Variants in SNAP91 observed in about 807,000 individuals in gnomAD.
SNAP91 encodes the protein synaptosome associated protein 91.
Under a neutral mutation model 100.3 loss-of-function variants are expected in SNAP91, and 27 were observed. That is an observed-to-expected ratio of 0.27 (90% CI 0.20 to 0.37). The LOEUF is 0.37. SNAP91 is among the 10% of genes least tolerant of loss of function. The pLI is 1.00. For missense variants in SNAP91, 986 were observed against 1,123.7 expected (o/e 0.88, Z 1.75); for synonymous variants, 404 against 398.6 (o/e 1.01, Z -0.16).
At chr6:83,642,082 G>A (rs1222825699) in intron 7 of SNAP91, among the ~76,000 whole-genome samples, 1 of 152,092 alleles carries the variant, frequency 6.6e-6, no homozygotes, top group Admixed American at 6.6e-5. Flanking sequence ...TAGTTCCCAG[G>A]CAACTCTGGT....
rs568267573 is a variant in SNAP91, at chr6:83,589,383, T to C, written c.2014+1828A>G. ...TCCATGATGTTCTTTAGTGAGAATA[T>C]GATTTCCTTATGTTTTGATACTTGA... On this transcript the variant is annotated intron_variant, in intron 22 of 29. Coordinates refer to ENST00000369694, the MANE Select transcript of SNAP91 (RefSeq NM_001242792.2). Among the ~76,000 whole-genome samples the C allele has an allele frequency of 5.7e-3, 873 of 152,310 alleles. 5 individuals are homozygous for C. Among genetic ancestry groups the C allele is most frequent in the African/African-American group, 0.02 (828 of 41,574 alleles).
In SNAP91 at chr6:83,593,720, C is replaced by G; in HGVS notation, c.1454G>C (p.Gly485Ala). 6.3e-7 allele frequency: 1 copy of G among 1,590,104 alleles called. No homozygotes were observed. The highest frequency in any genetic ancestry group is 8.6e-7 in the Non-Finnish European group (1 of 1,164,592). ...CAGCTCAGGTGCAGCCTCTGCACTA[C>G]CTTCAGACGGGGCAAAGGGGTCTTT... ...SGNDPFAPSEGSAEAAPELDL... is the reference protein window; with the variant it reads ...SGNDPFAPSEASAEAAPELDL... Residue 485 changes from glycine (G) to alanine (A), a missense_variant, in exon 18 of 30, where the codon GGT (glycine) becomes GCT (alanine). Physicochemically the swap from Gly to Ala is moderately conservative, Grantham distance 60. Coordinates refer to ENST00000369694, the MANE Select transcript of SNAP91 (RefSeq NM_001242792.2).
At chr6:83,694,146 G>A (rs1045668561) in intron 2 of SNAP91, among the ~76,000 whole-genome samples, 1 of 152,180 alleles carries the variant, frequency 6.6e-6, no homozygotes, top group Non-Finnish European at 1.5e-5. Flanking sequence ...AATGAATGCT[G>A]TGTATTCACA....
At chr6:83,706,249 T>C (rs1040983889) in intron 2 of SNAP91, among the ~76,000 whole-genome samples, 1 of 152,226 alleles carries the variant, frequency 6.6e-6, no homozygotes, top group Non-Finnish European at 1.5e-5. Flanking sequence ...TTTCTTATTA[T>C]GAGGATTTTC....
At chr6:83,673,813 G>A (rs1243316840) in intron 2 of SNAP91, among the ~76,000 whole-genome samples, 3 of 152,154 alleles carry the variant, frequency 2.0e-5, no homozygotes, top group African/African-American at 7.2e-5. Context: ...GTGCAATCCA[G>A]GCTTCCCTTG....
intron 26 of SNAP91, among the ~76,000 whole-genome samples, chr6:83,569,226 A>C (rs1802275801): frequency 6.6e-6 from 1 of 151,098 alleles, no homozygotes; most frequent in Admixed American, 6.6e-5. Flanking sequence ...TTATTGTAAC[A>C]AATAGTTTCT....
At chr6:83,569,931 CCA>C (rs1309662532) in intron 26 of SNAP91, among the ~76,000 whole-genome samples, 1 of 152,002 alleles carries the variant, frequency 6.6e-6, no homozygotes, top group South Asian at 2.1e-4. Context: ...TGTAAATTGC[CCA>C]GTCTCGGGTA....
chr6:83,625,741 GATTT>G (rs746306889), intron 8 of SNAP91, among the ~76,000 whole-genome samples: 4 of 151,748 alleles, frequency 2.6e-5, no homozygotes, highest in Non-Finnish European at 4.4e-5. Context: ...TTTTCTTGGT[GATTT>G]ATTTAAGTTC....
At chr6:83,690,253 T>G in intron 2 of SNAP91, 1 of 1,129,460 alleles carries the variant, frequency 8.9e-7, no homozygotes, top group Non-Finnish European at 1.1e-6. Context: ...AATCTCTTCT[T>G]GAGAAATAAA....
intron 3 of SNAP91, among the ~76,000 whole-genome samples, chr6:83,664,152 C>T (rs2128756550): frequency 6.6e-6 from 1 of 152,218 alleles, no homozygotes; most frequent in Non-Finnish European, 1.5e-5. Context: ...CACCTTGTCA[C>T]CATAAGAGCT....
chr6:83,670,490 T>C (rs545844062), intron 2 of SNAP91, among the ~76,000 whole-genome samples: 2 of 152,046 alleles, frequency 1.3e-5, no homozygotes, highest in Admixed American at 1.3e-4. Context: ...GGCTTCCCTT[T>C]TCATTTTCTT....
intron 10 of SNAP91, 103 bp downstream of exon 10, chr6:83,616,866 C>T (rs139263411): frequency 1.1e-5 from 8 of 747,878 alleles, no homozygotes; most frequent in East Asian, 2.9e-5. Flanking sequence ...ACAAAGCATA[C>T]CCTAAAACTA....
intron 10 of SNAP91, among the ~76,000 whole-genome samples, chr6:83,615,930 G>A (rs768449720): frequency 2.0e-5 from 3 of 152,066 alleles, no homozygotes; most frequent in South Asian, 4.2e-4. Context: ...ATCATTTTAC[G>A]GGTTGTCTCT....
chr6:83,593,177 T>G lies in SNAP91; in HGVS notation c.1774+5A>C, dbSNP rs2094019544. 6.3e-7 allele frequency: 1 copy of G among 1,582,104 alleles called. No individual in the cohort carries two copies. The highest frequency in any genetic ancestry group is 1.3e-5 in the African/African-American group (1 of 74,322). ...AGTGAAAAAAAAGGGTTGCTTTGGT[T>G]TTACCTGTACTAAACAGGTCTATGC... On this transcript the variant is annotated splice_donor_5th_base_variant and intron_variant, in intron 19 of 29. Coordinates refer to ENST00000369694, the MANE Select transcript of SNAP91 (RefSeq NM_001242792.2).
intron 2 of SNAP91, among the ~76,000 whole-genome samples, chr6:83,667,748 T>C (rs935395521): frequency 2.0e-5 from 3 of 152,036 alleles, no homozygotes; most frequent in African/African-American, 7.2e-5. Context: ...TAACTCGTCA[T>C]GTACATTAGG....
In SNAP91 at chr6:83,580,494, G is replaced by T. The variant is rs564610271; in HGVS notation, c.2255C>A (p.Ala752Asp). The T allele has an allele frequency of 1.2e-6, 2 of 1,613,636 alleles. No individual in the cohort carries two copies. Among genetic ancestry groups the T allele is most frequent in the African/African-American group, 1.3e-5 (1 of 74,964 alleles). The change falls in exon 24 of 30, where the codon GCC (alanine) becomes GAC (aspartate). Residue 752 changes from alanine (A) to aspartate (D), a missense_variant. Physicochemically the swap from Ala to Asp is moderately radical, Grantham distance 126. This residue lies in a region of SNAP91 where 575 missense variants were observed against 579.9 expected (regional missense o/e 0.99). Coordinates refer to ENST00000369694, the MANE Select transcript of SNAP91 (RefSeq NM_001242792.2). ...PPSPAMAASKALGSDLDSSLA... is the reference protein window; with the variant it reads ...PPSPAMAASKDLGSDLDSSLA... ...AGATGAATCAAGATCACTTCCAAGGGCTTTGCTGGCTGCCATTGCAGGACT... is the reference window on the plus strand; with the variant it reads ...AGATGAATCAAGATCACTTCCAAGGTCTTTGCTGGCTGCCATTGCAGGACT...
At chr6:83,660,250 T>C (rs573218384) in intron 5 of SNAP91, among the ~76,000 whole-genome samples, 2 of 152,236 alleles carry the variant, frequency 1.3e-5, no homozygotes, top group African/African-American at 4.8e-5. Flanking sequence ...ATGTAAGAAG[T>C]TAGAGGAAGG....
At chr6:83,585,853 CTTTTTTT>C (rs1045371745) in intron 22 of SNAP91, among the ~76,000 whole-genome samples, 1 of 137,184 alleles carries the variant, frequency 7.3e-6, no homozygotes, top group South Asian at 2.3e-4. Context: ...TTTTTTCTTT[CTTTTTTT>C]TTTTTTTTTG....
chr6:83,561,104 A>C (rs1276880764), intron 26 of SNAP91, among the ~76,000 whole-genome samples, 157 bp from the exon 27 acceptor site: 3 of 152,228 alleles, frequency 2.0e-5, no homozygotes, highest in Admixed American at 2.0e-4. Flanking sequence ...GTACGATGGC[A>C]TGATCACAGC....
Sources: gnomAD v4.1 joint callset for allele counts (sites outside exome capture counted in the v4.1 genomes callset) on GRCh38, gnomAD v4.1.1 for gene constraint, gnomAD v4.1.1 regional missense constraint, MANE v1.5 for transcripts, NCBI Gene and HGNC (gene_info 2026-07-23, HGNC 2026-07-21) for gene names.